The following ERBB4 variants were observed in gnomAD, a reference collection of about 807,000 sequenced individuals.
ERBB4 encodes erb-b2 receptor tyrosine kinase 4.
In ERBB4, 42 loss-of-function variants were observed where a neutral mutation model predicts 158.0. The observed-to-expected ratio is 0.27, with a 90% CI of 0.21 to 0.34. ERBB4 has a LOEUF of 0.34. ERBB4 is among the 10% of genes least tolerant of loss of function. The probability of loss-of-function intolerance (pLI) is 1.00; values close to 1 mark genes in which losing one functional copy is unlikely to be tolerated. For missense variants in ERBB4, 1,333 were observed against 1,624.1 expected, an observed-to-expected ratio of 0.82 and a Z score of 3.08; for synonymous variants, 583 against 558.7, an observed-to-expected ratio of 1.04 and a Z score of -0.61.
intron 2 of ERBB4, among the ~76,000 whole-genome samples, chr2:212,082,586 A>C (rs1213192438): frequency 1.3e-5 from 2 of 152,002 alleles, no homozygotes; most frequent in African/African-American, 2.4e-5. Context: ...AGCACTTCTG[A>C]CTTCCTATAA....
chr2:212,120,712 A>C (rs2079721043), intron 2 of ERBB4, among the ~76,000 whole-genome samples: 1 of 152,180 alleles, frequency 6.6e-6, no homozygotes, highest in African/African-American at 2.4e-5. Flanking sequence ...TAAAGACAGA[A>C]ATGAATCCAG....
intron 20 of ERBB4, among the ~76,000 whole-genome samples, chr2:211,474,413 C>A (rs778427562): frequency 6.6e-6 from 1 of 151,802 alleles, no homozygotes. Flanking sequence ...AGTGGTATAG[C>A]CAGGATTTCG....
intron 20 of ERBB4, among the ~76,000 whole-genome samples, chr2:211,488,719 A>C (rs2065267059): frequency 6.6e-6 from 1 of 152,102 alleles, no homozygotes; most frequent in African/African-American, 2.4e-5. Context: ...AAATTTCTAC[A>C]AAAAGAGTCT....
At chr2:211,893,713 A>G (rs2079027643) in intron 3 of ERBB4, among the ~76,000 whole-genome samples, 1 of 123,720 alleles carries the variant, frequency 8.1e-6, no homozygotes, top group South Asian at 2.5e-4. Context: ...CAAATTTACA[A>G]GAAAAAAACA....
chr2:211,413,856 A>AG (rs1189828949), intron 25 of ERBB4, among the ~76,000 whole-genome samples: 2 of 151,786 alleles, frequency 1.3e-5, no homozygotes. Flanking sequence ...CAGCAAAGAG[A>AG]GGGGGTCCTG....
intron 1 of ERBB4, among the ~76,000 whole-genome samples, chr2:212,532,939 C>T (rs541043429): frequency 7.0e-4 from 107 of 152,334 alleles, no homozygotes; most frequent in African/African-American, 2.5e-3. Flanking sequence ...CAGCTTTCCT[C>T]TCTTGAAAAG....
intron 2 of ERBB4, among the ~76,000 whole-genome samples, chr2:212,018,085 T>C (rs1394787558): frequency 6.6e-6 from 1 of 152,156 alleles, no homozygotes; most frequent in African/African-American, 2.4e-5. Context: ...TAAGAAATTG[T>C]TGCTGGCCCT....
chr2:211,916,873 G>A (rs75646724), intron 3 of ERBB4, among the ~76,000 whole-genome samples: 5,277 of 152,222 alleles, frequency 0.035, 349 homozygotes, highest in African/African-American at 0.12. Flanking sequence ...TATTGATAAT[G>A]TATTCATATT....
intron 1 of ERBB4, among the ~76,000 whole-genome samples, chr2:212,227,425 C>T (rs1284645915): frequency 6.6e-6 from 1 of 152,062 alleles, no homozygotes; most frequent in African/African-American, 2.4e-5. Flanking sequence ...ATGACGAGCT[C>T]TTCTATATTC....
chr2:211,848,093 C>T (rs981154724), intron 3 of ERBB4, among the ~76,000 whole-genome samples: 2 of 152,066 alleles, frequency 1.3e-5, no homozygotes, highest in Non-Finnish European at 2.9e-5. Flanking sequence ...CATTCTGTAT[C>T]CTCTATTTAA....
At chr2:211,793,406 A>G (rs1396876563) in intron 3 of ERBB4, among the ~76,000 whole-genome samples, 2 of 152,062 alleles carry the variant, frequency 1.3e-5, no homozygotes, top group East Asian at 3.9e-4. Flanking sequence ...AATAATAAAG[A>G]TTAGAAATAT....
chr2:211,881,968 T>C (rs2078676604), intron 3 of ERBB4, among the ~76,000 whole-genome samples: 1 of 152,128 alleles, frequency 6.6e-6, no homozygotes, highest in East Asian at 1.9e-4. Flanking sequence ...CAAAGAAAGA[T>C]AACATCGGCT....
intron 1 of ERBB4, among the ~76,000 whole-genome samples, chr2:212,177,268 T>A (rs2081698429): frequency 6.6e-6 from 1 of 151,860 alleles, no homozygotes; most frequent in Non-Finnish European, 1.5e-5. Context: ...GTGTTCTCAT[T>A]TTTTAAAATT....
chr2:212,059,726 A>G (rs1470605834), intron 2 of ERBB4, among the ~76,000 whole-genome samples: 1 of 152,222 alleles, frequency 6.6e-6, no homozygotes, highest in Non-Finnish European at 1.5e-5. Flanking sequence ...TCCTGGGAAA[A>G]CTGGCTAGCC....
intron 1 of ERBB4, among the ~76,000 whole-genome samples, chr2:212,308,223 T>G (rs1041168306): frequency 6.6e-6 from 1 of 151,170 alleles, no homozygotes; most frequent in African/African-American, 2.4e-5. Context: ...TGAATCTGAA[T>G]TAATATGGAC....
chr2:212,169,850 C>T (rs539641458), intron 1 of ERBB4, among the ~76,000 whole-genome samples: 1 of 152,286 alleles, frequency 6.6e-6, no homozygotes, highest in East Asian at 1.9e-4. Flanking sequence ...GTAAGACTTG[C>T]CTCTTCTCCT....
intron 1 of ERBB4, among the ~76,000 whole-genome samples, chr2:212,152,169 G>A (rs2080893891): frequency 6.6e-6 from 1 of 151,840 alleles, no homozygotes; most frequent in African/African-American, 2.4e-5. Context: ...ATAGTTAAGA[G>A]TTCTGGCTCT....
chr2:211,943,544 C>T (rs2080565918), intron 3 of ERBB4, among the ~76,000 whole-genome samples: 1 of 152,038 alleles, frequency 6.6e-6, no homozygotes, highest in African/African-American at 2.4e-5. Flanking sequence ...AGTATAACCT[C>T]TCCACTGGCA....
chr2:211,604,992 A>G (rs1166916955), intron 19 of ERBB4, among the ~76,000 whole-genome samples: 1 of 152,188 alleles, frequency 6.6e-6, no homozygotes, highest in Non-Finnish European at 1.5e-5. Context: ...TTCTTATTAT[A>G]AAAAGTTGGC....
Sources: gnomAD v4.1 joint callset for allele counts (sites outside exome capture counted in the v4.1 genomes callset) on GRCh38, gnomAD v4.1.1 for gene constraint, MANE v1.5 for transcripts, NCBI Gene and HGNC (gene_info 2026-07-23, HGNC 2026-07-21) for gene names.